GPR158: variants seen among roughly 807,000 people sequenced by gnomAD.
GPR158 encodes G protein-coupled receptor 158, also known as metabotropic glycine receptor.
Under a neutral mutation model 78.2 loss-of-function variants are expected in GPR158, and 30 were observed. The ratio of observed to expected loss-of-function variants is 0.38; its 90% confidence interval spans 0.29 to 0.52. GPR158 has a LOEUF of 0.52. GPR158 is among the 20% of genes least tolerant of loss of function. The pLI is 0.83. For synonymous variants in GPR158, 581 were observed against 591.1 expected (o/e 0.98, Z 0.25); for missense variants, 1,463 against 1,523.5 (o/e 0.96, Z 0.66).
chr10:25,242,906 C>T (rs1178529596), intron 2 of GPR158, among the ~76,000 whole-genome samples: 1 of 152,152 alleles, frequency 6.6e-6, no homozygotes, highest in Non-Finnish European at 1.5e-5. Context: ...GGTCTATTAC[C>T]TAACCTATTG....
chr10:25,334,299 G>A (rs796987733), intron 2 of GPR158, among the ~76,000 whole-genome samples: 76 of 152,142 alleles, frequency 5.0e-4, no homozygotes, highest in African/African-American at 1.7e-3. Context: ...GGATTTAAAT[G>A]AAGAATAAAA....
intron 2 of GPR158, chr10:25,244,849 T>C (rs1393906207): frequency 1.3e-5 from 2 of 152,118 alleles, no homozygotes; most frequent in Non-Finnish European, 2.9e-5. Context: ...TAGACTTTTT[T>C]TTTTTTTAAT....
intron 5 of GPR158, among the ~76,000 whole-genome samples, chr10:25,472,602 A>C (rs1428176421): frequency 6.6e-6 from 1 of 152,284 alleles, no homozygotes; most frequent in African/African-American, 2.4e-5. Flanking sequence ...TGAGCATGGA[A>C]TGTTCTTCCA....
At chr10:25,411,405 T>C (rs1026868804) in intron 3 of GPR158, among the ~76,000 whole-genome samples, 1 of 152,170 alleles carries the variant, frequency 6.6e-6, no homozygotes, top group African/African-American at 2.4e-5. Context: ...CCATTTTACC[T>C]AATTTAGACC....
intron 6 of GPR158, among the ~76,000 whole-genome samples, chr10:25,569,396 C>G (rs777254044): frequency 1.5e-4 from 23 of 152,176 alleles, no homozygotes; most frequent in Non-Finnish European, 2.9e-4. Flanking sequence ...CCACTATTAG[C>G]TCTCTATGAG....
intron 2 of GPR158, among the ~76,000 whole-genome samples, chr10:25,348,742 A>T (rs1274884987): frequency 6.6e-6 from 1 of 151,982 alleles, no homozygotes; most frequent in Non-Finnish European, 1.5e-5. Flanking sequence ...TATCAGCAGG[A>T]TTATCCTACA....
At chr10:25,490,970 T>C (rs1055033064) in intron 5 of GPR158, among the ~76,000 whole-genome samples, 10 of 152,016 alleles carry the variant, frequency 6.6e-5, no homozygotes, top group Admixed American at 5.9e-4. Context: ...TTTAAGGATG[T>C]TTATAGTGAA....
chr10:25,400,672 C>G (rs1834431925), intron 3 of GPR158, among the ~76,000 whole-genome samples: 2 of 152,218 alleles, frequency 1.3e-5, no homozygotes, highest in Non-Finnish European at 2.9e-5. Flanking sequence ...GAAACACAAG[C>G]TTGTGACTAG....
chr10:25,530,208 A>T (rs1469153168), intron 5 of GPR158, among the ~76,000 whole-genome samples: 3 of 152,138 alleles, frequency 2.0e-5, no homozygotes, highest in African/African-American at 7.2e-5. Flanking sequence ...TACATGAGAA[A>T]AGTGAAAAGT....
intron 3 of GPR158, among the ~76,000 whole-genome samples, chr10:25,406,788 T>C (rs1273522131): frequency 3.9e-5 from 6 of 152,222 alleles, no homozygotes; most frequent in Non-Finnish European, 8.8e-5. Context: ...TTCCATCTTA[T>C]GACAATGTGA....
chr10:25,505,529 G>A (rs1223225905), intron 5 of GPR158, among the ~76,000 whole-genome samples: 1 of 151,996 alleles, frequency 6.6e-6, no homozygotes, highest in Non-Finnish European at 1.5e-5. Context: ...CCACATAATT[G>A]ACAGGATAAA....
intron 7 of GPR158, among the ~76,000 whole-genome samples, chr10:25,585,142 A>G (rs1837250512): frequency 6.6e-6 from 1 of 152,200 alleles, no homozygotes; most frequent in Non-Finnish European, 1.5e-5. Flanking sequence ...GTATGCCTGG[A>G]ACCCTTATGC....
chr10:25,323,259 C>A (rs183117785), intron 2 of GPR158, among the ~76,000 whole-genome samples: 2 of 152,272 alleles, frequency 1.3e-5, no homozygotes, highest in South Asian at 2.1e-4. Context: ...ATTTATAGAA[C>A]AGGCAGAGTC....
At chr10:25,467,742 C>T (rs1477563732) in intron 5 of GPR158, among the ~76,000 whole-genome samples, 2 of 152,088 alleles carry the variant, frequency 1.3e-5, no homozygotes, top group African/African-American at 4.8e-5. Context: ...GAGAACAGTA[C>T]ACTTGGAAAG....
intron 4 of GPR158, among the ~76,000 whole-genome samples, chr10:25,451,749 T>C (rs940038937): frequency 6.6e-6 from 1 of 152,208 alleles, no homozygotes; most frequent in African/African-American, 2.4e-5. Context: ...GTTAAATGTG[T>C]TTTGTGGGGT....
At chr10:25,545,456 A>C (rs1836650923) in intron 5 of GPR158, among the ~76,000 whole-genome samples, 1 of 152,224 alleles carries the variant, frequency 6.6e-6, no homozygotes, top group Non-Finnish European at 1.5e-5. Context: ...TCTAATGACC[A>C]GTGATGATGA....
intron 4 of GPR158, among the ~76,000 whole-genome samples, chr10:25,441,378 T>C (rs1835066117): frequency 6.6e-6 from 1 of 152,210 alleles, no homozygotes; most frequent in African/African-American, 2.4e-5. Context: ...GAGTTTGCCC[T>C]TTCTGCTTTG....
At chr10:25,191,053 C>T (rs780994390) in intron 1 of GPR158, among the ~76,000 whole-genome samples, 1 of 152,186 alleles carries the variant, frequency 6.6e-6, no homozygotes, top group Non-Finnish European at 1.5e-5. Flanking sequence ...TTTGGAAAGC[C>T]TCTCACAATA....
intron 4 of GPR158, among the ~76,000 whole-genome samples, chr10:25,462,534 G>T (rs1037628360): frequency 1.3e-5 from 2 of 152,114 alleles, no homozygotes; most frequent in African/African-American, 4.8e-5. Context: ...ATAGATCTGG[G>T]CAAAGTAAAC....
Sources: gnomAD v4.1 joint callset for allele counts (sites outside exome capture counted in the v4.1 genomes callset) on GRCh38, gnomAD v4.1.1 for gene constraint, MANE v1.5 for transcripts, NCBI Gene and HGNC (gene_info 2026-07-23, HGNC 2026-07-21) for gene names.